The following MLLT10 variants were observed in gnomAD, a reference collection of about 807,000 sequenced individuals.
MLLT10 encodes MLLT10 histone lysine methyltransferase DOT1L cofactor, also known as protein AF-10.
In MLLT10, 30 loss-of-function variants were observed where a neutral mutation model predicts 129.1. The ratio of observed to expected loss-of-function variants is 0.23; its 90% confidence interval spans 0.17 to 0.32. MLLT10 has a LOEUF of 0.32. Ranked by LOEUF, MLLT10 falls within the 10% of genes least tolerant of loss-of-function variation. MLLT10 has a pLI of 1.00. For missense variants in MLLT10, 1,119 were observed against 1,268.3 expected (o/e 0.88, Z 1.79); for synonymous variants, 490 against 446.4 (o/e 1.10, Z -1.23).
chr10:21,570,739 GCCTTCT>G (rs2040113484), intron 3 of MLLT10, among the ~76,000 whole-genome samples: 3 of 151,764 alleles, frequency 2.0e-5, no homozygotes, highest in African/African-American at 7.3e-5. Context: ...GTTTCTTCTA[GCCTTCT>G]GATCATATGA....
At chr10:21,551,179 C>G (rs1450955328) in intron 3 of MLLT10, among the ~76,000 whole-genome samples, 1 of 151,894 alleles carries the variant, frequency 6.6e-6, no homozygotes, top group Non-Finnish European at 1.5e-5. Context: ...CCTGCCTCGG[C>G]CTCCCAAAGT....
chr10:21,537,466 T>C (rs950730735), intron 2 of MLLT10, among the ~76,000 whole-genome samples: 6 of 152,112 alleles, frequency 3.9e-5, no homozygotes, highest in African/African-American at 1.2e-4. Flanking sequence ...CTGGCTAATT[T>C]CTTTTTTTCT....
At chr10:21,720,692 G>A (rs2057068409) in intron 14 of MLLT10, among the ~76,000 whole-genome samples, 1 of 152,118 alleles carries the variant, frequency 6.6e-6, no homozygotes, top group East Asian at 1.9e-4. Flanking sequence ...AGTTTTCTTA[G>A]GGAAATAGGT....
intron 21 of MLLT10, among the ~76,000 whole-genome samples, chr10:21,739,628 T>TCCA: frequency 6.6e-6 from 1 of 152,234 alleles, no homozygotes; most frequent in South Asian, 2.1e-4. Context: ...GAGTATATGC[T>TCCA]TGCTGTAGAG....
chr10:21,727,738 G>A (rs1331735561), intron 15 of MLLT10, 118 bp from the exon 16 acceptor site: 3 of 705,600 alleles, frequency 4.3e-6, no homozygotes, highest in Non-Finnish European at 7.2e-6. Flanking sequence ...ATTTTCGTGG[G>A]AACTGCAAAG....
At chr10:21,538,985 G>C (rs935600354) in intron 3 of MLLT10, 73 bp downstream of exon 3, 2 of 1,019,894 alleles carry the variant, frequency 2.0e-6, no homozygotes, top group African/African-American at 3.2e-5. Context: ...CTCCTGTTGT[G>C]GTTTGTGGGG....
intron 8 of MLLT10, among the ~76,000 whole-genome samples, chr10:21,631,864 A>T (rs1356415723): frequency 6.6e-6 from 1 of 151,670 alleles, no homozygotes. Flanking sequence ...ACGATATCAG[A>T]GGTAAGAATC....
In MLLT10 at chr10:21,677,706, G is replaced by C. The variant is rs80184360; in HGVS notation, c.1622-3626G>C. ...GAATCCCCAGATGTGGAATCCCACA[G>C]ACACAGAAGACAACTGTATTATGTA... On this transcript the variant is annotated intron_variant, in intron 11 of 22. Transcript: ENST00000307729. Among the ~76,000 whole-genome samples the C allele has an allele frequency of 9.2e-3, 1,401 of 152,296 alleles. 21 individuals are homozygous for C. Among genetic ancestry groups the C allele is most frequent in the African/African-American group, 0.031 (1,305 of 41,566 alleles).
chr10:21,644,373 G>C (rs188619875), intron 8 of MLLT10, among the ~76,000 whole-genome samples: 2 of 151,882 alleles, frequency 1.3e-5, no homozygotes, highest in Admixed American at 6.6e-5. Context: ...ATATTTTCTC[G>C]TTTTTGAGAC....
At chr10:21,704,035 T>C (rs1248058411) in intron 13 of MLLT10, among the ~76,000 whole-genome samples, 2 of 142,822 alleles carry the variant, frequency 1.4e-5, no homozygotes, top group Non-Finnish European at 3.0e-5. Context: ...TTTTTTTTTT[T>C]TTTTGATGGA....
rs181587572 is a variant in MLLT10, at chr10:21,657,701, C to T, written c.795+5933C>T. Among the ~76,000 whole-genome samples the T allele has an allele frequency of 5.4e-3, 820 of 152,140 alleles. 10 individuals carry two copies. The highest frequency in any genetic ancestry group is 0.019 in the African/African-American group (776 of 41,510). ...TTTTGTTTGTTTTAAGGAAGGTTTT[C>T]GTGCACCAGAGATACGTGATCAGGT... On this transcript the variant is annotated intron_variant, in intron 9 of 22. Coordinates refer to ENST00000307729, the MANE Select transcript of MLLT10 (RefSeq NM_001195626.3).
intron 13 of MLLT10, among the ~76,000 whole-genome samples, chr10:21,685,453 G>C (rs1023604097): frequency 1.4e-4 from 21 of 152,218 alleles, no homozygotes; most frequent in African/African-American, 5.1e-4. Context: ...TCCTGCCTCA[G>C]CCTCCCGAGT....
intron 11 of MLLT10, among the ~76,000 whole-genome samples, chr10:21,678,762 C>G (rs772709663): frequency 6.6e-6 from 1 of 152,166 alleles, no homozygotes; most frequent in Non-Finnish European, 1.5e-5. Flanking sequence ...AATGCTATCT[C>G]ATTCAGCTTG....
chr10:21,650,332 C>T lies in MLLT10; in HGVS notation c.700-1341C>T, dbSNP rs1452437770. Among the ~76,000 whole-genome samples, 6 of 152,194 alleles carry T rather than the reference C, an allele frequency of 3.9e-5. No homozygotes were observed. The Middle Eastern group carries it at 0.017, about 431-fold the overall frequency. ...TACCACTGCACTCCAGCCTGAGTGA[C>T]ACAGCGAGGCCCTGTTTCAAAAAGA... On this transcript the variant is annotated intron_variant, in intron 8 of 22. Transcript: ENST00000307729.
intron 5 of MLLT10, among the ~76,000 whole-genome samples, chr10:21,606,040 A>G (rs1453167642): frequency 6.6e-6 from 1 of 151,872 alleles, no homozygotes; most frequent in Admixed American, 6.6e-5. Context: ...CTTTTTGTTA[A>G]TTCTCATATT....
chr10:21,727,303 A>T (rs951169336), intron 15 of MLLT10, among the ~76,000 whole-genome samples: 1 of 152,240 alleles, frequency 6.6e-6, no homozygotes, highest in African/African-American at 2.4e-5. Context: ...TTTAAAATTC[A>T]GGATTCTGTA....
chr10:21,538,127 GTAGGCA>G (rs2130889115), intron 2 of MLLT10, among the ~76,000 whole-genome samples: 1 of 148,362 alleles, frequency 6.7e-6, no homozygotes, highest in Admixed American at 6.7e-5. Context: ...AGCTGGGACT[GTAGGCA>G]CATGCCACCG....
chr10:21,636,375 C>A (rs962843225), intron 8 of MLLT10, among the ~76,000 whole-genome samples: 1 of 152,144 alleles, frequency 6.6e-6, no homozygotes, highest in Non-Finnish European at 1.5e-5. Context: ...CTTCTCCCAC[C>A]TTGGCCTTGG....
chr10:21,701,874 CCACCG>C (rs1480567090), intron 13 of MLLT10, among the ~76,000 whole-genome samples: 1 of 152,088 alleles, frequency 6.6e-6, no homozygotes, highest in African/African-American at 2.4e-5. Context: ...CAGGCGTGAG[CCACCG>C]CACCTGGTTA....
Sources: allele counts gnomAD v4.1 joint callset (sites outside exome capture counted in the v4.1 genomes callset), GRCh38; gene constraint gnomAD v4.1.1; transcripts MANE v1.5; gene names NCBI Gene and HGNC (gene_info 2026-07-23, HGNC 2026-07-21).